The following CLCN3 variants were observed in gnomAD, a reference collection of about 807,000 sequenced individuals.
The protein encoded by CLCN3 is Cl-/H+ antiporter 3.
In CLCN3, 16 loss-of-function variants were observed where a neutral mutation model predicts 83.4. The observed-to-expected ratio is 0.19, with a 90% CI of 0.13 to 0.29. The LOEUF is 0.29. CLCN3 is among the 10% of genes least tolerant of loss of function. The pLI is 1.00. For synonymous variants in CLCN3, 322 were observed against 346.2 expected (o/e 0.93, Z 0.78); for missense variants, 544 against 1,006.0 (o/e 0.54, Z 6.21).
chr4:169,677,784 A>G (rs1355636328), intron 2 of CLCN3, among the ~76,000 whole-genome samples: 3 of 152,232 alleles, frequency 2.0e-5, no homozygotes. Context: ...GCATTCACAC[A>G]CTTCATCTTT....
At chr4:169,663,463 G>C (rs1731137010) in intron 2 of CLCN3, 2 of 265,752 alleles carry the variant, frequency 7.5e-6, no homozygotes, top group East Asian at 3.1e-4. Flanking sequence ...CTTGGTACCT[G>C]GGACTGCAGG....
At chr4:169,655,640 A>G (rs916654750) in intron 2 of CLCN3, among the ~76,000 whole-genome samples, 9 of 152,126 alleles carry the variant, frequency 5.9e-5, no homozygotes, top group Non-Finnish European at 1.3e-4. Flanking sequence ...GACCGCAGGC[A>G]TGTGCCACTA....
At chr4:169,643,521 C>T (rs933050073) in intron 2 of CLCN3, among the ~76,000 whole-genome samples, 9 of 152,020 alleles carry the variant, frequency 5.9e-5, no homozygotes, top group African/African-American at 1.9e-4. Flanking sequence ...TGCACCACTG[C>T]GCCTGGCCTC....
chr4:169,665,569 A>T (rs1220146373), intron 2 of CLCN3, among the ~76,000 whole-genome samples: 3 of 151,428 alleles, frequency 2.0e-5, no homozygotes, highest in South Asian at 4.2e-4. Context: ...CCTTACCAGG[A>T]TGGCCATTTC....
intron 2 of CLCN3, among the ~76,000 whole-genome samples, chr4:169,674,459 C>T (rs1400026524): frequency 6.6e-6 from 1 of 152,140 alleles, no homozygotes; most frequent in African/African-American, 2.4e-5. Flanking sequence ...TATTTATTCT[C>T]CAATTGCTTT....
At chr4:169,669,773 G>C (rs1208363529) in intron 2 of CLCN3, among the ~76,000 whole-genome samples, 3 of 152,088 alleles carry the variant, frequency 2.0e-5, no homozygotes, top group Non-Finnish European at 4.4e-5. Flanking sequence ...GGTAAAGTTG[G>C]TTCTTCATCA....
intron 2 of CLCN3, among the ~76,000 whole-genome samples, chr4:169,670,213 A>G (rs1731404607): frequency 6.6e-6 from 1 of 152,148 alleles, no homozygotes; most frequent in South Asian, 2.1e-4. Flanking sequence ...TATGTCCTGA[A>G]TGGTATTGCC....
chr4:169,685,781 A>G (rs1723769737), intron 3 of CLCN3, among the ~76,000 whole-genome samples: 1 of 125,528 alleles, frequency 8.0e-6, no homozygotes, highest in Non-Finnish European at 1.7e-5. Flanking sequence ...GCTTAATATT[A>G]TCATGTTTTC....
rs944537919 is a variant in CLCN3 at position 169,620,818 on chromosome 4, G to C, written c.-262G>C. ...GGTTGACTCTAGGGATCTCCAGAGC[G>C]AGAGGATTTAACTTCATGTTGCTCC... is the stretch of plus-strand genomic sequence containing the variant. On this transcript the variant is annotated 5_prime_UTR_variant, in exon 1 of 13. Coordinates refer to ENST00000513761, the MANE Select transcript of CLCN3 (RefSeq NM_001829.4). 3.3e-5 allele frequency: 13 copies of C among 398,496 alleles called. No individual in the cohort carries two copies. The highest frequency in any genetic ancestry group is 2.7e-4 in the African/African-American group (13 of 48,632). The allele number at this position is 398,496 out of a possible 1,614,324, so 24.7% of individuals were successfully genotyped here.
At chr4:169,713,561 C>T (rs1733307264) in intron 12 of CLCN3, among the ~76,000 whole-genome samples, 1 of 152,174 alleles carries the variant, frequency 6.6e-6, no homozygotes, top group Admixed American at 6.5e-5. Context: ...AGATCTCCAG[C>T]ATGAAAGCAT....
chr4:169,702,839 T>C, intron 9 of CLCN3: 1 of 268,910 alleles, frequency 3.7e-6, no homozygotes, highest in Non-Finnish European at 7.6e-6. Flanking sequence ...TCCCAGCTAC[T>C]CACGAGGCTG....
intron 2 of CLCN3, among the ~76,000 whole-genome samples, chr4:169,677,501 A>G (rs559112284): frequency 1.0e-3 from 156 of 152,354 alleles, no homozygotes; most frequent in African/African-American, 3.6e-3. Flanking sequence ...GTTTTAGATT[A>G]TGAGCACTTT....
chr4:169,634,410 G>A (rs112083934), intron 1 of CLCN3, among the ~76,000 whole-genome samples: 256 of 152,228 alleles, frequency 1.7e-3, no homozygotes, highest in African/African-American at 5.7e-3. Context: ...AGCTATTAAT[G>A]TTTATGTTTT....
chr4:169,623,785 A>G (rs1035316508), intron 1 of CLCN3, among the ~76,000 whole-genome samples: 14 of 150,776 alleles, frequency 9.3e-5, no homozygotes, highest in African/African-American at 3.2e-4. Flanking sequence ...TTTGTGTCTT[A>G]TTTATTTCAC....
intron 2 of CLCN3, among the ~76,000 whole-genome samples, chr4:169,636,735 GT>G (rs67900605): frequency 5.4e-4 from 64 of 119,528 alleles, no homozygotes; most frequent in South Asian, 1.2e-3. Context: ...TCATTATTTG[GT>G]TTTTTTTTTT....
rs1332728892 is a variant in CLCN3, at chr4:169,721,195, A to G, written c.*1198A>G. 1 of 152,072 alleles carries G rather than the reference A, an allele frequency of 6.6e-6. No homozygotes were observed. The highest frequency in any genetic ancestry group is 1.5e-5 in the Non-Finnish European group (1 of 68,014). 9.4% of individuals were successfully genotyped at this position (152,072 alleles called of 1,614,324 possible). A position where few individuals can be genotyped will look rare whatever the true frequency, so the allele number is the denominator to read the frequency against. ...ACCATTCTTATTTATATTTTTATGG[A>G]TTAAAATTTATAAAATACAGATCAG... On this transcript the variant is annotated 3_prime_UTR_variant, in exon 13 of 13. Coordinates refer to ENST00000513761, the MANE Select transcript of CLCN3 (RefSeq NM_001829.4).
chr4:169,691,340 A>G (rs1255613648), intron 6 of CLCN3, among the ~76,000 whole-genome samples: 1 of 151,994 alleles, frequency 6.6e-6, no homozygotes, highest in African/African-American at 2.4e-5. Context: ...TGATTCATTC[A>G]CTTTTTATAA....
chr4:169,659,505 C>CT (rs918431781), intron 2 of CLCN3, among the ~76,000 whole-genome samples: 3 of 152,122 alleles, frequency 2.0e-5, no homozygotes, highest in African/African-American at 4.8e-5. Context: ...TAGTAAACCT[C>CT]TTTTTTGCGT....
At chr4:169,684,635 A>G (rs1304786388) in intron 3 of CLCN3, among the ~76,000 whole-genome samples, 1 of 152,168 alleles carries the variant, frequency 6.6e-6, no homozygotes. Context: ...ATTGAAGGAA[A>G]ATATAATATA....
Sources: allele counts gnomAD v4.1 joint callset (sites outside exome capture counted in the v4.1 genomes callset), GRCh38; gene constraint gnomAD v4.1.1; transcripts MANE v1.5; gene names NCBI Gene and HGNC (gene_info 2026-07-23, HGNC 2026-07-21).